Variants in CEP192 observed in about 807,000 individuals in gnomAD.
CEP192 encodes the protein centrosomal protein 192.
CEP192 carries 151 observed loss-of-function variants against 271.8 expected under a neutral mutation model. The ratio of observed to expected loss-of-function variants is 0.56; its 90% CI spans 0.49 to 0.64. CEP192 has a LOEUF of 0.64. CEP192 is among the 30% of genes least tolerant of loss of function. The pLI is 0.00. For missense variants in CEP192, 2,910 were observed against 3,020.5 expected, an observed-to-expected ratio of 0.96 and a Z score of 0.86; for synonymous variants, 995 against 1,076.5, an observed-to-expected ratio of 0.92 and a Z score of 1.48.
chr18:13,024,376 G>A (rs2035169898), intron 9 of CEP192: 1 of 455,178 alleles, frequency 2.2e-6, no homozygotes, highest in African/African-American at 2.0e-5. Flanking sequence ...TAATCTACAT[G>A]TTGGTTTCTT....
intron 14 of CEP192, among the ~76,000 whole-genome samples, chr18:13,041,855 C>T (rs1031753074): frequency 1.3e-4 from 20 of 152,044 alleles, no homozygotes; most frequent in African/African-American, 4.1e-4. Context: ...CATGAGCCAC[C>T]GCACCCGACC....
chr18:13,116,536 A>G, intron 43 of CEP192, 33 bp downstream of exon 43: 1 of 1,551,538 alleles, frequency 6.4e-7, no homozygotes, highest in Non-Finnish European at 8.8e-7. Flanking sequence ...GGTTTTGGAA[A>G]AATACATGCA....
chr18:13,081,322 T>C (rs138720607), intron 30 of CEP192, among the ~76,000 whole-genome samples: 5,184 of 152,344 alleles, frequency 0.034, 176 homozygotes, highest in East Asian at 0.14. Context: ...GAGCCTGTTA[T>C]TGGTCTATTT....
chr18:13,102,823 A>C (rs2039776158), intron 38 of CEP192, among the ~76,000 whole-genome samples: 1 of 152,096 alleles, frequency 6.6e-6, no homozygotes, highest in Non-Finnish European at 1.5e-5. Context: ...GATGGCCTGT[A>C]GCCTGTGACT....
rs757569635 is a variant in CEP192, at chr18:13,059,247, G to A, written c.4423G>A (p.Val1475Ile). 8 of 1,614,158 alleles carry A rather than the reference G, an allele frequency of 5.0e-6. No individual in the cohort carries two copies. Among genetic ancestry groups the A allele is most frequent in the East Asian group, 2.2e-5 (1 of 44,890 alleles). Residue 1475 changes from valine to isoleucine, a missense_variant, in exon 21 of 45, where the codon GTA becomes ATA. Transcript: ENST00000506447. ...ATGTTCGACAGATGCTGAGACCATCGTACAGGCAGAAGCTTTGGCCAGCAC... is the reference window on the plus strand; with the variant it reads ...ATGTTCGACAGATGCTGAGACCATCATACAGGCAGAAGCTTTGGCCAGCAC... ...WPCSTDAETI[V>I]QAEALASTVT...
Position 13,068,972 on chromosome 18 carries a change from A to C in CEP192, c.4943A>C (p.His1648Pro), listed in dbSNP as rs1287277266. The C allele has an allele frequency of 1.3e-5, 21 of 1,614,156 alleles. No homozygotes were observed. The highest frequency in any genetic ancestry group is 1.8e-5 in the Non-Finnish European group (21 of 1,180,004). ...GCAAGAGCAGGAATAGCTAGGATCC[A>C]TGCTCCCAGGGACTTGCAGGTAGCC... ...LRARAGIARI[H>P]APRDLQTMHF... Residue 1648 changes from histidine (H) to proline (P), a missense_variant, in exon 25 of 45, where the codon CAT becomes CCT. Transcript: ENST00000506447.
chr18:13,026,866 C>T lies in CEP192; in HGVS notation c.1051-2797C>T, dbSNP rs1046484633. Among the ~76,000 whole-genome samples the T allele has an allele frequency of 2.9e-4, 44 of 152,328 alleles. No individual in the cohort carries two copies. The Middle Eastern group carries it at 0.014, about 47-fold the overall frequency. On this transcript the variant is annotated intron_variant, in intron 9 of 44. Coordinates refer to ENST00000506447, the MANE Select transcript of CEP192 (RefSeq NM_032142.4). ...TTCTGGCCTGAGTATACCAACATCC[C>T]TGCCATATCTGGTTCTGCTGGTTCT...
rs547977510 is a variant in CEP192, at chr18:13,057,744, A to G, written c.4257+11A>G. Reference sequence around the variant, plus strand: ...GTTAATGGTGAAAAGGTAGCTTTCTATGTCTTTCTCATTTAACCTAACAGT... The same window carrying G: ...GTTAATGGTGAAAAGGTAGCTTTCTGTGTCTTTCTCATTTAACCTAACAGT... On this transcript the variant is annotated intron_variant, in intron 20 of 44. Coordinates refer to ENST00000506447, the MANE Select transcript of CEP192 (RefSeq NM_032142.4). 9 of 1,611,034 alleles carry G rather than the reference A, an allele frequency of 5.6e-6. No individual in the cohort carries two copies. The highest frequency in any genetic ancestry group is 1.7e-5 in the Admixed American group (1 of 59,872).
intron 8 of CEP192, 40 bp downstream of exon 8, chr18:13,018,655 G>T: frequency 4.4e-6 from 6 of 1,352,422 alleles, no homozygotes; most frequent in Non-Finnish European, 3.9e-6. Context: ...TTAAGTTCTA[G>T]TTTTGACTTT....
intron 22 of CEP192, 47 bp downstream of exon 22, chr18:13,068,003 C>T (rs779109641): frequency 2.6e-5 from 42 of 1,602,042 alleles, no homozygotes; most frequent in Non-Finnish European, 3.5e-5. Flanking sequence ...ATGCACTGAT[C>T]TTATGAAAGT....
chr18:13,039,062 A>C (rs528658402), intron 13 of CEP192, among the ~76,000 whole-genome samples: 12 of 152,350 alleles, frequency 7.9e-5, no homozygotes, highest in African/African-American at 2.6e-4. Context: ...AGATAGTGAT[A>C]AGTCCTGTAA....
intron 21 of CEP192, among the ~76,000 whole-genome samples, chr18:13,066,762 A>G (rs1050340158): frequency 2.0e-5 from 3 of 152,064 alleles, no homozygotes; most frequent in East Asian, 1.9e-4. Flanking sequence ...TTCAAATTCC[A>G]TTCGAGCCTC....
chr18:13,018,354 A>G, intron 7 of CEP192, 126 bp from the exon 8 acceptor site: 4 of 539,384 alleles, frequency 7.4e-6, no homozygotes, highest in Non-Finnish European at 1.3e-5. Flanking sequence ...TCGTGGTGAC[A>G]ATGGCGATTT....
In CEP192 at chr18:13,017,079, A is replaced by G. The variant is rs919285904; in HGVS notation, c.641-109A>G. On this transcript the variant is annotated intron_variant, in intron 6 of 44. Coordinates refer to ENST00000506447, the MANE Select transcript of CEP192 (RefSeq NM_032142.4). ...CTCATGTCAAACAAAAAAGACACCA[A>G]AATCTTAGTCCATTGACTCATTTAT... is the stretch of plus-strand genomic sequence containing the variant. 13 of 796,162 alleles carry G rather than the reference A, an allele frequency of 1.6e-5. No homozygotes were observed. In the African/African-American group the frequency reaches 1.9e-4, roughly 12 times the overall value. 49.3% of individuals were successfully genotyped at this position (796,162 alleles called of 1,614,324 possible).
At chr18:13,111,738 T>A (rs556278974) in intron 40 of CEP192, among the ~76,000 whole-genome samples, 2 of 152,360 alleles carry the variant, frequency 1.3e-5, no homozygotes, top group South Asian at 2.1e-4. Flanking sequence ...GACAAAGGAC[T>A]TGTATCCAGA....
At chr18:13,104,468 G>T (rs896043347) in intron 39 of CEP192, among the ~76,000 whole-genome samples, 1 of 152,122 alleles carries the variant, frequency 6.6e-6, no homozygotes, top group South Asian at 2.1e-4. Context: ...ACAAAAAAGA[G>T]TTTCTGGACC....
chr18:13,082,296 A>G (rs866305978), intron 30 of CEP192, among the ~76,000 whole-genome samples: 7 of 152,096 alleles, frequency 4.6e-5, no homozygotes, highest in African/African-American at 1.7e-4. Context: ...CTCCTGTATT[A>G]GGTGCATATA....
In CEP192 at chr18:13,019,104, T is replaced by C. The variant is rs1025859814; in HGVS notation, c.948T>C (p.Asp316=). The change falls in exon 9 of 45, where the codon GAT becomes GAC. Residue 316 remains aspartate, a synonymous_variant. Transcript: ENST00000506447. ...PGTSNSIGTG[D]SRRYTDGMLP... ...CAGGTAATTCTATAGGTACTGGAGATAGTAGAAGGTACACAGATGGTATGT... is the reference window on the plus strand; with the variant it reads ...CAGGTAATTCTATAGGTACTGGAGACAGTAGAAGGTACACAGATGGTATGT... 9 of 1,538,844 alleles carry C rather than the reference T, an allele frequency of 5.8e-6. No individual in the cohort carries two copies. The highest frequency in any genetic ancestry group is 7.0e-6 in the Non-Finnish European group (8 of 1,142,528).
chr18:13,058,080 TAA>T (rs562715084), intron 20 of CEP192: 18 of 145,150 alleles, frequency 1.2e-4, no homozygotes, highest in Admixed American at 2.1e-4. Flanking sequence ...CCATGACTTG[TAA>T]AAAAAAAAAA....
Sources: allele counts gnomAD v4.1 joint callset (sites outside exome capture counted in the v4.1 genomes callset), GRCh38; gene constraint gnomAD v4.1.1; transcripts MANE v1.5; gene names NCBI Gene and HGNC (gene_info 2026-07-23, HGNC 2026-07-21).